USP24: variants seen among roughly 807,000 people sequenced by gnomAD.
The protein encoded by USP24 is ubiquitin carboxyl-terminal hydrolase 24.
Under a neutral mutation model 361.6 loss-of-function variants are expected in USP24, and 97 were observed. That is an observed-to-expected ratio of 0.27 (90% confidence interval 0.23 to 0.32). The LOEUF is 0.32. Ranked by LOEUF, USP24 falls within the 10% of genes least tolerant of loss-of-function variation. The pLI, the probability that USP24 is intolerant of heterozygous loss-of-function variation, is 1.00. For missense variants in USP24, 2,353 were observed against 3,165.6 expected (o/e 0.74, Z 6.16); for synonymous variants, 1,098 against 1,124.6 (o/e 0.98, Z 0.47).
chr1:55,096,086 G>GT (rs1246898246), intron 50 of USP24, among the ~76,000 whole-genome samples: 3 of 152,122 alleles, frequency 2.0e-5, no homozygotes, highest in Non-Finnish European at 2.9e-5. Flanking sequence ...AATAAATATG[G>GT]TTTTAAAAAC....
chr1:55,191,085 A>G (rs1339914634), intron 1 of USP24, among the ~76,000 whole-genome samples: 1 of 152,236 alleles, frequency 6.6e-6, no homozygotes, highest in Non-Finnish European at 1.5e-5. Flanking sequence ...GCACGAAGGT[A>G]GAAGAGAAAT....
chr1:55,199,313 A>AC (rs1249968864), intron 1 of USP24, among the ~76,000 whole-genome samples: 1 of 152,094 alleles, frequency 6.6e-6, no homozygotes, highest in Non-Finnish European at 1.5e-5. Flanking sequence ...ACAAAACAAA[A>AC]AAAAAACATG....
intron 38 of USP24, among the ~76,000 whole-genome samples, chr1:55,116,535 GCAACTATAT>G: frequency 6.6e-6 from 1 of 152,026 alleles, no homozygotes; most frequent in Non-Finnish European, 1.5e-5. Flanking sequence ...AGTACCGTAA[GCAACTATAT>G]GCCAACAAAT....
rs753231656 is a variant in USP24, at chr1:55,098,081, A to G, written c.5457T>C (p.Tyr1819=). 37 of 1,593,818 alleles carry G rather than the reference A, an allele frequency of 2.3e-5. No individual in the cohort carries two copies. The highest frequency in any genetic ancestry group is 3.0e-5 in the Non-Finnish European group (35 of 1,174,072). Reference sequence around the variant, plus strand: ...GAGCCATGAAAGCTTCTTCACGCTCATATCTGATTAGGAAATAACAGAAAA... The same window carrying G: ...GAGCCATGAAAGCTTCTTCACGCTCGTATCTGATTAGGAAATAACAGAAAA... ...QKICKDCPHR[Y]EREEAFMALN... Residue 1819 remains tyrosine, a synonymous_variant, in exon 47 of 68, where the codon TAT becomes TAC. Coordinates refer to ENST00000294383, the MANE Select transcript of USP24 (RefSeq NM_015306.3).
chr1:55,167,136 G>A (rs776328207), intron 5 of USP24, among the ~76,000 whole-genome samples: 31 of 151,966 alleles, frequency 2.0e-4, no homozygotes, highest in Non-Finnish European at 4.3e-4. Context: ...ATTCTAGCAG[G>A]GTCAACAAAA....
chr1:55,164,122 T>G (rs1427606039), intron 7 of USP24, among the ~76,000 whole-genome samples: 1 of 151,942 alleles, frequency 6.6e-6, no homozygotes, highest in African/African-American at 2.4e-5. Context: ...ATATATCACT[T>G]GCAGTCATTA....
At chr1:55,174,776 A>C (rs1255459216) in intron 3 of USP24, among the ~76,000 whole-genome samples, 2 of 151,696 alleles carry the variant, frequency 1.3e-5, no homozygotes, top group African/African-American at 4.8e-5. Context: ...CAATATAACA[A>C]TTTTGCTATT....
chr1:55,131,007 G>A (rs1447741908), intron 31 of USP24, among the ~76,000 whole-genome samples: 1 of 152,188 alleles, frequency 6.6e-6, no homozygotes, highest in Non-Finnish European at 1.5e-5. Context: ...ATGGCTCTAA[G>A]ATAATGGAAT....
At chr1:55,113,112 G>A (rs1252960670) in intron 38 of USP24, among the ~76,000 whole-genome samples, 1 of 151,566 alleles carries the variant, frequency 6.6e-6, no homozygotes, top group African/African-American at 2.4e-5. Flanking sequence ...CTTTCCATTT[G>A]CTTGGGAAAA....
In USP24 at chr1:55,147,706, G is replaced by A. The variant is rs1647068356; in HGVS notation, c.2061C>T (p.Ala687=). Residue 687 remains alanine (A), a synonymous_variant, in exon 18 of 68, where the codon GCC becomes GCT. Coordinates refer to ENST00000294383, the MANE Select transcript of USP24 (RefSeq NM_015306.3). ...TCGAGCCACTTAAGCCTCCAGGCCC[G>A]GCCACAGCAGCTGCAAGCCGATGAC... is the stretch of plus-strand genomic sequence containing the variant. ...IACHRLAAAV[A]GPGGLSGSTL... 5 of 1,611,786 alleles carry A rather than the reference G, an allele frequency of 3.1e-6. No homozygotes were observed. Among genetic ancestry groups the A allele is most frequent in the South Asian group, 2.2e-5 (2 of 90,758 alleles).
intron 42 of USP24, among the ~76,000 whole-genome samples, chr1:55,102,774 T>A (rs1271088851): frequency 6.6e-6 from 1 of 152,208 alleles, no homozygotes; most frequent in African/African-American, 2.4e-5. Flanking sequence ...TGATATAATT[T>A]TTGATGTAAG....
intron 1 of USP24, among the ~76,000 whole-genome samples, chr1:55,181,150 A>G (rs1158857504): frequency 2.0e-5 from 3 of 152,190 alleles, no homozygotes; most frequent in African/African-American, 4.8e-5. Flanking sequence ...TTTAACCTCA[A>G]TGAAGAAAAA....
rs1283836882 is a variant in USP24 at position 55,067,339 on chromosome 1, C to T, written c.*1706G>A. On this transcript the variant is annotated 3_prime_UTR_variant, in exon 68 of 68. Coordinates refer to ENST00000294383, the MANE Select transcript of USP24 (RefSeq NM_015306.3). ...CACGTACTCAAAACCAATGGTAGAA[C>T]ATCACATTTCAAACTGCAAGACCAT... 1 of 152,200 alleles carries T rather than the reference C, an allele frequency of 6.6e-6. No individual in the cohort carries two copies. The highest frequency in any genetic ancestry group is 1.5e-5 in the Non-Finnish European group (1 of 68,040). 9.4% of individuals were successfully genotyped at this position (152,200 alleles called of 1,614,324 possible).
At chr1:55,108,559 T>C (rs1194387990) in intron 39 of USP24, among the ~76,000 whole-genome samples, 1 of 152,222 alleles carries the variant, frequency 6.6e-6, no homozygotes. Context: ...GTATAGGCAC[T>C]GGCTTACGGA....
In USP24 at chr1:55,162,212, G is replaced by C; in HGVS notation, c.980C>G (p.Ser327Cys). 1 of 1,595,034 alleles carries C rather than the reference G, an allele frequency of 6.3e-7. No individual in the cohort carries two copies. The highest frequency in any genetic ancestry group is 8.5e-7 in the Non-Finnish European group (1 of 1,172,110). Residue 327 changes from serine to cysteine, a missense_variant, in exon 8 of 68, where the codon TCC (serine) becomes TGC (cysteine). Physicochemically the swap from Ser to Cys is moderately radical, Grantham distance 112. Coordinates refer to ENST00000294383, the MANE Select transcript of USP24 (RefSeq NM_015306.3). ...GTTTAATCCTACCTGTACCACGGAG[G>C]AATTGAGGTACTCTGCACACACTCC... ...PLGVCAEYLN[S>C]SVVQPMLDPV...
rs573136414 is a variant in USP24, at chr1:55,125,518, C to T, written c.3762G>A (p.Thr1254=). ...RFLLVGQTMP[T]LLDEDLTKDG... ...CTTTGGTGAGGTCTTCATCTAATAA[C>T]GTGGGCATTGTTTGTCCGACAAGTA... Residue 1254 remains threonine (T), a synonymous_variant, in exon 34 of 68, where the codon ACG becomes ACA. Transcript: ENST00000294383. 25 of 1,613,814 alleles carry T rather than the reference C, an allele frequency of 1.5e-5. No individual in the cohort carries two copies. Among genetic ancestry groups the T allele is most frequent in the Middle Eastern group, 3.3e-4 (2 of 6,060 alleles).
chr1:55,171,516 T>C (rs779085167), intron 5 of USP24, 40 bp downstream of exon 5: 6 of 1,565,774 alleles, frequency 3.8e-6, no homozygotes, highest in African/African-American at 1.4e-5. Flanking sequence ...TCTTTTTCAA[T>C]ACATTTTTCT....
At chr1:55,128,880 A>AT (rs1308567553) in intron 32 of USP24, among the ~76,000 whole-genome samples, 1 of 151,298 alleles carries the variant, frequency 6.6e-6, no homozygotes, top group Admixed American at 6.6e-5. Flanking sequence ...ACACTCAACT[A>AT]TTTTTTTATT....
intron 1 of USP24, among the ~76,000 whole-genome samples, chr1:55,209,687 G>A (rs115348117): frequency 2.6e-5 from 4 of 152,098 alleles, no homozygotes; most frequent in Non-Finnish European, 5.9e-5. Flanking sequence ...CACTTAGAGC[G>A]CTTAGTGAGT....
Sources: allele counts gnomAD v4.1 joint callset (sites outside exome capture counted in the v4.1 genomes callset), GRCh38; gene constraint gnomAD v4.1.1; transcripts MANE v1.5; gene names NCBI Gene and HGNC (gene_info 2026-07-23, HGNC 2026-07-21).